The following TTC3 variants were observed in gnomAD, a reference collection of about 807,000 sequenced individuals.
TTC3 encodes E3 ubiquitin-protein ligase TTC3.
Under a neutral mutation model 249.6 loss-of-function variants are expected in TTC3, and 180 were observed. That is an observed-to-expected ratio of 0.72 (90% CI 0.64 to 0.82). The LOEUF is 0.82. Ranked by LOEUF, TTC3 falls within the 40% of genes least tolerant of loss-of-function variation. The probability of loss-of-function intolerance (pLI) is 0.00; values close to 1 mark genes in which losing one functional copy is unlikely to be tolerated. For missense variants in TTC3, 2,061 were observed against 2,398.4 expected (o/e 0.86, Z 2.94); for synonymous variants, 717 against 805.0 (o/e 0.89, Z 1.85).
intron 17 of TTC3, among the ~76,000 whole-genome samples, chr21:37,134,204 C>T (rs1015362111): frequency 1.3e-5 from 2 of 152,146 alleles, no homozygotes; most frequent in Non-Finnish European, 2.9e-5. Flanking sequence ...GTAATCCCAG[C>T]ATTTTGGGAG....
chr21:37,185,736 G>A, exon 37 of TTC3: 1 of 1,551,494 alleles, frequency 6.4e-7, no homozygotes, highest in Non-Finnish European at 8.7e-7. Context: ...GAAAGGAAAA[G>A]GAACATGAAT....
chr21:37,128,530 A>G (rs2077213844), intron 15 of TTC3, among the ~76,000 whole-genome samples: 1 of 152,198 alleles, frequency 6.6e-6, no homozygotes, highest in Admixed American at 6.5e-5. Context: ...AAAACCGAAC[A>G]CAAATGCCAT....
chr21:37,156,839 G>A (rs1379972353), exon 28 of TTC3: 5 of 1,614,064 alleles, frequency 3.1e-6, no homozygotes, highest in Non-Finnish European at 4.2e-6. Flanking sequence ...TAATATGGCT[G>A]CTAGAAGAAC....
chr21:37,165,467 T>G, intron 32 of TTC3, 83 bp from the exon 33 acceptor site: 1 of 1,033,856 alleles, frequency 9.7e-7, no homozygotes, highest in South Asian at 1.6e-5. Context: ...GTGTTTTCCT[T>G]TGGGAGAATA....
At chr21:37,158,027 A>G in intron 28 of TTC3, 1 of 611,948 alleles carries the variant, frequency 1.6e-6, no homozygotes, top group Non-Finnish European at 2.0e-6. Flanking sequence ...ATGGTGTCAC[A>G]GATGATAAAG....
chr21:37,094,016 A>G, exon 8 of TTC3: 2 of 1,606,208 alleles, frequency 1.2e-6, no homozygotes, highest in Non-Finnish European at 1.7e-6. Flanking sequence ...CAAGTACCAC[A>G]TAACTAAAAT....
At chr21:37,075,339 T>G (rs2070699491) in intron 1 of TTC3, among the ~76,000 whole-genome samples, 1 of 152,264 alleles carries the variant, frequency 6.6e-6, no homozygotes. Context: ...GTTTCAGTTT[T>G]TGACTCTTAA....
Position 37,130,471 on chromosome 21 carries a change from T to C in TTC3, c.1358+1408T>C, listed in dbSNP as rs114598998. On this transcript the variant is annotated intron_variant, in intron 16 of 45. Coordinates refer to ENST00000355666, the Ensembl canonical transcript of TTC3. ...CCTTTATTAGGTAATATCTACCATA[T>C]GGGACTATTTCTTCATTAAATGGGA... 9.8e-3 allele frequency among the ~76,000 whole-genome samples: 1,495 copies of C among 152,314 alleles called. 22 individuals are homozygous for C. The highest frequency in any genetic ancestry group is 0.034 in the African/African-American group (1,399 of 41,550).
At chr21:37,088,158 G>T in intron 3 of TTC3, 38 bp from the exon 4 acceptor site, 4 of 1,476,206 alleles carry the variant, frequency 2.7e-6, no homozygotes, top group Non-Finnish European at 3.6e-6. Flanking sequence ...AAAAAAATGA[G>T]GCACAAACAT....
At chr21:37,158,911 A>G (rs1256211888) in intron 28 of TTC3, among the ~76,000 whole-genome samples, 2 of 150,154 alleles carry the variant, frequency 1.3e-5, no homozygotes, top group Admixed American at 1.3e-4. Context: ...TTAGACCACT[A>G]TAGTAGCCTC....
chr21:37,154,906 A>G (rs2079864548), intron 27 of TTC3, among the ~76,000 whole-genome samples: 1 of 152,140 alleles, frequency 6.6e-6, no homozygotes, highest in Non-Finnish European at 1.5e-5. Flanking sequence ...CGTGTTAGCC[A>G]GGATGGTCTT....
rs191596569 is a variant in TTC3, at chr21:37,086,974, A to C, written c.-11-273A>C. On this transcript the variant is annotated intron_variant, in intron 1 of 45. Coordinates refer to ENST00000355666, the Ensembl canonical transcript of TTC3. Reference sequence around the variant, plus strand: ...AATAAGATGCCCTTGATGATCCTCTATTTAAAGGAGACATGTAAACAGGTT... The same window carrying C: ...AATAAGATGCCCTTGATGATCCTCTCTTTAAAGGAGACATGTAAACAGGTT... 1.3e-4 allele frequency: 47 copies of C among 359,422 alleles called. No homozygotes were observed. In the East Asian group the frequency reaches 2.0e-3, roughly 15 times the overall value. 22.3% of individuals were successfully genotyped at this position (359,422 alleles called of 1,614,324 possible).
In TTC3 at chr21:37,132,615, AT is replaced by A; in HGVS notation, c.1359-61del. The A allele has an allele frequency of 3.8e-6, 5 of 1,326,220 alleles. No homozygotes were observed. The South Asian group carries it at 4.3e-5, about 11-fold the overall frequency. The allele number at this position is 1,326,220 out of a possible 1,614,324, so 82.2% of individuals were successfully genotyped here. Reference sequence around the variant, plus strand: ...GGTATGAGCCACTGTGCCTGGCCCTATTTTTTCTTTATATGAGTAGAACTTT... The same window carrying A: ...GGTATGAGCCACTGTGCCTGGCCCTATTTTTCTTTATATGAGTAGAACTTT... On this transcript the variant is annotated intron_variant, in intron 16 of 45. Coordinates refer to ENST00000355666, the Ensembl canonical transcript of TTC3.
chr21:37,161,406 G>C (rs915554838), intron 30 of TTC3, among the ~76,000 whole-genome samples: 3 of 152,198 alleles, frequency 2.0e-5, no homozygotes, highest in African/African-American at 7.2e-5. Flanking sequence ...CTCCCGAGTA[G>C]CCGGAATGAC....
chr21:37,103,501 A>G (rs887887844), intron 10 of TTC3, among the ~76,000 whole-genome samples: 1 of 152,214 alleles, frequency 6.6e-6, no homozygotes, highest in Non-Finnish European at 1.5e-5. Context: ...GTAATTGACT[A>G]TGCCCACTTT....
At chr21:37,076,551 C>A (rs2078920215) in intron 1 of TTC3, among the ~76,000 whole-genome samples, 2 of 152,062 alleles carry the variant, frequency 1.3e-5, no homozygotes, top group African/African-American at 2.4e-5. Flanking sequence ...AATGGTAATG[C>A]CTGAGGCCTC....
At chr21:37,077,210 G>A (rs1015551) in intron 1 of TTC3, among the ~76,000 whole-genome samples, 69,231 of 151,626 alleles carry the variant, frequency 0.46, 16,302 homozygotes, top group Non-Finnish European at 0.52. Context: ...TTACTGTGAT[G>A]TTCTAGAAAT....
At chr21:37,178,520 G>C (rs1242042978) in intron 35 of TTC3, among the ~76,000 whole-genome samples, 5 of 152,048 alleles carry the variant, frequency 3.3e-5, no homozygotes, top group Admixed American at 1.3e-4. Context: ...TCTCATTGTG[G>C]TTTTGATTTT....
At position 37,150,120 on chromosome 21, in the gene TTC3, G is replaced by A. The variant is rs2079329799; in HGVS notation, c.2161G>A (p.Val721Ile). ...ATGTCTTACCCCTGACTGTGAAGGT[G>A]TCATTTCTAAGATTATCATCTTCAG... Residue 721 changes from valine to isoleucine, a missense_variant, in exon 24 of 46, where the codon GTC becomes ATC. Physicochemically the swap from Val to Ile is conservative, Grantham distance 29 (BLOSUM62 3). This residue lies in a region of TTC3 where 989 missense variants were observed against 1,145.1 expected (regional missense o/e 0.86). Coordinates refer to ENST00000355666, the Ensembl canonical transcript of TTC3. The A allele has an allele frequency of 3.7e-6, 6 of 1,612,374 alleles. No homozygotes were observed. Among genetic ancestry groups the A allele is most frequent in the Non-Finnish European group, 5.1e-6 (6 of 1,179,346 alleles).
Sources: gnomAD v4.1 joint callset for allele counts (sites outside exome capture counted in the v4.1 genomes callset) on GRCh38, gnomAD v4.1.1 for gene constraint, gnomAD v4.1.1 regional missense constraint, MANE v1.5 for transcripts, NCBI Gene and HGNC (gene_info 2026-07-23, HGNC 2026-07-21) for gene names.